AFDN: variants seen among roughly 807,000 people sequenced by gnomAD.
AFDN encodes the protein afadin.
AFDN carries 68 observed loss-of-function variants against 216.6 expected under a neutral mutation model. The observed-to-expected ratio is 0.31, with a 90% CI of 0.26 to 0.38. The LOEUF (loss-of-function observed/expected upper bound fraction) is 0.38, where lower values mean the gene tolerates loss of function less well. AFDN is among the 10% of genes least tolerant of loss of function. AFDN has a pLI of 1.00. For synonymous variants in AFDN, 868 were observed against 853.7 expected (o/e 1.02, Z -0.29); for missense variants, 2,136 against 2,342.0 (o/e 0.91, Z 1.82).
chr6:167,965,225 T>C (rs1797422750), intron 31 of AFDN: 1 of 265,268 alleles, frequency 3.8e-6, no homozygotes, highest in Non-Finnish European at 5.8e-6. Flanking sequence ...GGTTCACTCA[T>C]GTCCTCCTTG....
Position 167,951,408 on chromosome 6 carries a change from A to G in AFDN, c.4054A>G (p.Thr1352Ala). Residue 1352 changes from threonine (T) to alanine (A), a missense_variant, in exon 30 of 34, where the codon ACA (threonine) becomes GCA (alanine). Coordinates refer to ENST00000683244, the MANE Select transcript of AFDN (RefSeq NM_001386888.1). The surrounding 1 kb of genome is among the most constrained non-coding windows in gnomAD (Gnocchi z 7.1). ...LTKSGPGRWK[T>A]PAAIPATPVA... is the part of the protein sequence containing the mutation. ...CAAAAGTGGCCCTGGCCGTTGGAAAACACCAGCAGCCATACCGGCCACCCC... is the reference window on the plus strand; with the variant it reads ...CAAAAGTGGCCCTGGCCGTTGGAAAGCACCAGCAGCCATACCGGCCACCCC... 1 of 1,613,916 alleles carries G rather than the reference A, an allele frequency of 6.2e-7. No homozygotes were observed. Among genetic ancestry groups the G allele is most frequent in the South Asian group, 1.1e-5 (1 of 91,072 alleles).
rs780530583 is a variant in AFDN, at chr6:167,925,109, G to A, written c.3099+18G>A. The A allele has an allele frequency of 1.2e-5, 19 of 1,572,372 alleles. No individual in the cohort carries two copies. Among genetic ancestry groups the A allele is most frequent in the East Asian group, 9.0e-5 (4 of 44,658 alleles). On this transcript the variant is annotated intron_variant, in intron 23 of 33. Coordinates refer to ENST00000683244, the MANE Select transcript of AFDN (RefSeq NM_001386888.1). ...CAGCAAAGGTAGGCCAATTAGTCACGTGCGAGTTGTTCTCTCCAGTCTTTC... is the reference window on the plus strand; with the variant it reads ...CAGCAAAGGTAGGCCAATTAGTCACATGCGAGTTGTTCTCTCCAGTCTTTC...
chr6:167,887,727 G>C (rs2128324507), intron 6 of AFDN, among the ~76,000 whole-genome samples: 2 of 152,188 alleles, frequency 1.3e-5, no homozygotes, highest in South Asian at 4.1e-4. Context: ...CAAAGTGCTA[G>C]GATTACAGGC....
chr6:167,929,329 T>C (rs1792977331), intron 23 of AFDN, among the ~76,000 whole-genome samples: 1 of 151,852 alleles, frequency 6.6e-6, no homozygotes. Flanking sequence ...TCTAACTGGG[T>C]TGTAGGCTAT....
chr6:167,866,587 A>T (rs1024497826), intron 2 of AFDN, among the ~76,000 whole-genome samples: 3 of 152,362 alleles, frequency 2.0e-5, no homozygotes, highest in Admixed American at 6.5e-5. Context: ...CTTTCATTTT[A>T]TTCTTAATCA....
intron 1 of AFDN, among the ~76,000 whole-genome samples, chr6:167,857,862 A>C (rs1783077627): frequency 6.6e-6 from 1 of 152,164 alleles, no homozygotes; most frequent in Non-Finnish European, 1.5e-5. Flanking sequence ...TGCATGGCAA[A>C]ATCAGTTATA....
At chr6:167,827,823 C>G (rs985984706) in intron 1 of AFDN, 1 of 152,302 alleles carries the variant, frequency 6.6e-6, no homozygotes, top group African/African-American at 2.4e-5. Context: ...CCTTCTCCAC[C>G]TTCGGGGCCG....
At chr6:167,832,196 C>T (rs1779906197) in intron 1 of AFDN, among the ~76,000 whole-genome samples, 1 of 152,162 alleles carries the variant, frequency 6.6e-6, no homozygotes, top group Non-Finnish European at 1.5e-5. Flanking sequence ...GAGCAGTGTG[C>T]CAAATCCCAC....
At chr6:167,829,131 T>G (rs187387913) in intron 1 of AFDN, among the ~76,000 whole-genome samples, 1 of 152,306 alleles carries the variant, frequency 6.6e-6, no homozygotes, top group African/African-American at 2.4e-5. Flanking sequence ...CCTACTTATA[T>G]CTGAACATTT....
At chr6:167,969,703 C>T in intron 33 of AFDN, 79 bp from the exon 34 acceptor site, 1 of 1,359,956 alleles carries the variant, frequency 7.4e-7, no homozygotes, top group Non-Finnish European at 1.0e-6. Flanking sequence ...TTTTAATCGC[C>T]CATTTTGCAA....
Position 167,836,374 on chromosome 6 carries a change from G to A in AFDN, c.105+9137G>A, listed in dbSNP as rs576978513. The stretch of plus-strand genomic sequence containing the variant: ...TAAACTCTTGAGTTAGCCAACCATC[G>A]GCTGTGTAAAGACGTCTTTTTCTCC... On this transcript the variant is annotated intron_variant, in intron 1 of 33. Coordinates refer to ENST00000683244, the MANE Select transcript of AFDN (RefSeq NM_001386888.1). Among the ~76,000 whole-genome samples the A allele has an allele frequency of 7.2e-5, 11 of 152,210 alleles. No individual in the cohort carries two copies. In the South Asian group the frequency reaches 1.2e-3, roughly 17 times the overall value.
chr6:167,928,073 C>G (rs899097968), intron 23 of AFDN, among the ~76,000 whole-genome samples: 1 of 152,184 alleles, frequency 6.6e-6, no homozygotes, highest in Admixed American at 6.5e-5. Context: ...AGATCAGTGT[C>G]CACCTCTTCC....
chr6:167,855,283 G>A (rs1352002972), intron 1 of AFDN, among the ~76,000 whole-genome samples: 1 of 152,026 alleles, frequency 6.6e-6, no homozygotes, highest in Non-Finnish European at 1.5e-5. Context: ...TAGTTAATTG[G>A]ACGGTTGAAC....
In AFDN at chr6:167,898,274, C is replaced by T; in HGVS notation, c.1387C>T (p.Pro463Ser). ...TNMDGVVTVT[P>S]RSMDAETYVE... ...CATGGATGGAGTGGTCACTGTGACG[C>T]CCAGAAGTATGGACGCAGAAACCTA... Residue 463 changes from proline to serine, a missense_variant, in exon 11 of 34, where the codon CCC becomes TCC. Pro to Ser is a moderately conservative substitution (Grantham distance 74, BLOSUM62 -1). Around this residue, in one of 8 missense-constraint regions of AFDN, gnomAD observed 817 missense variants for 965.7 expected, o/e 0.85. Coordinates refer to ENST00000683244, the MANE Select transcript of AFDN (RefSeq NM_001386888.1). The T allele has an allele frequency of 1.2e-6, 2 of 1,614,086 alleles. No homozygotes were observed. Among genetic ancestry groups the T allele is most frequent in the Non-Finnish European group, 1.7e-6 (2 of 1,180,006 alleles).
chr6:167,899,581 A>T (rs1788690454), intron 11 of AFDN, among the ~76,000 whole-genome samples: 1 of 152,058 alleles, frequency 6.6e-6, no homozygotes. Context: ...GCGAGTCATG[A>T]TTTCATGCTT....
At chr6:167,843,315 A>G (rs1781286836) in intron 1 of AFDN, among the ~76,000 whole-genome samples, 1 of 152,164 alleles carries the variant, frequency 6.6e-6, no homozygotes, top group Non-Finnish European at 1.5e-5. Context: ...CTACAATATG[A>G]GAAGAAAAAG....
In AFDN at chr6:167,915,340, G is replaced by A. The variant is rs763860525; in HGVS notation, c.2472G>A (p.Ala824=). The change falls in exon 19 of 34, where the codon GCG becomes GCA. Residue 824 remains alanine, a synonymous_variant. Transcript: ENST00000683244. ...GGCTGTGCTCCCATTACTGGGGTGC[G>A]ATTATCCGTCAGCAGTTGGGCCATA... ...DSGLCSHYWG[A]IIRQQLGHIE... is the part of the protein sequence containing the mutation. 17 of 1,614,112 alleles carry A rather than the reference G, an allele frequency of 1.1e-5. No homozygotes were observed. The highest frequency in any genetic ancestry group is 1.3e-5 in the African/African-American group (1 of 74,932).
chr6:167,826,873 C>CGCGGGCGGGTGCGGGCGGGT (rs1052769432), upstream of AFDN: 1 of 137,122 alleles, frequency 7.3e-6, no homozygotes, highest in African/African-American at 2.5e-5. Flanking sequence ...GCGGGCGGGG[C>CGCGGGCGGGTGCGGGCGGGT]GCGGGCGGGT....
intron 30 of AFDN, among the ~76,000 whole-genome samples, chr6:167,957,179 C>T (rs1451374570): frequency 3.5e-5 from 5 of 144,854 alleles, no homozygotes; most frequent in African/African-American, 1.2e-4. Flanking sequence ...GGCCCACCTG[C>T]CCCCACTGCT....
Sources: allele counts gnomAD v4.1 joint callset (sites outside exome capture counted in the v4.1 genomes callset), GRCh38; gene constraint gnomAD v4.1.1; regional missense constraint gnomAD v4.1.1; non-coding constraint Gnocchi (gnomAD v3.1); transcripts MANE v1.5; gene names NCBI Gene and HGNC (gene_info 2026-07-23, HGNC 2026-07-21).